The following CLASP1 variants were observed in gnomAD, a reference collection of about 807,000 sequenced individuals.
CLASP1 encodes CLIP-associating protein 1.
Under a neutral mutation model 192.3 loss-of-function variants are expected in CLASP1, and 38 were observed. The ratio of observed to expected loss-of-function variants is 0.20; its 90% CI spans 0.15 to 0.26. The LOEUF (loss-of-function observed/expected upper bound fraction) is 0.26, where lower values mean the gene tolerates loss of function less well. Among genes scored for constraint, CLASP1 ranks in the 10% least tolerant of loss-of-function variants. The pLI is 1.00. For synonymous variants in CLASP1, 691 were observed against 712.8 expected (o/e 0.97, Z 0.49); for missense variants, 1,433 against 1,932.5 (o/e 0.74, Z 4.85).
chr2:121,458,746 C>T, intron 13 of CLASP1, 94 bp downstream of exon 13: 1 of 926,298 alleles, frequency 1.1e-6, no homozygotes, highest in Non-Finnish European at 1.5e-6. Context: ...TTTAATGACT[C>T]AATATAATTA....
intron 1 of CLASP1, among the ~76,000 whole-genome samples, chr2:121,642,180 G>A (rs2072213884): frequency 6.6e-6 from 1 of 151,980 alleles, no homozygotes; most frequent in Non-Finnish European, 1.5e-5. Flanking sequence ...CACTTTGGGA[G>A]GGTGAGGCAG....
intron 8 of CLASP1, chr2:121,470,672 C>A (rs1024904021): frequency 2.2e-6 from 1 of 452,816 alleles, no homozygotes; most frequent in Admixed American, 2.4e-5. Context: ...GTTTGAATTT[C>A]CAATAGTTTT....
At chr2:121,494,516 A>T (rs776332069) in intron 8 of CLASP1, among the ~76,000 whole-genome samples, 3 of 152,204 alleles carry the variant, frequency 2.0e-5, no homozygotes, top group Non-Finnish European at 2.9e-5. Context: ...AGTTAGACAG[A>T]ATAAGATCTA....
At chr2:121,589,226 C>T (rs191050037) in intron 2 of CLASP1, among the ~76,000 whole-genome samples, 38 of 152,302 alleles carry the variant, frequency 2.5e-4, no homozygotes, top group East Asian at 2.3e-3. Flanking sequence ...GATTACTGAC[C>T]ATCATTTTCT....
At chr2:121,495,533 C>T (rs1158653265) in intron 8 of CLASP1, among the ~76,000 whole-genome samples, 1 of 151,512 alleles carries the variant, frequency 6.6e-6, no homozygotes, top group Admixed American at 6.6e-5. Context: ...TGGTGGTGAG[C>T]GCCTGTAATC....
At chr2:121,381,159 G>A (rs1478936561) in intron 33 of CLASP1, among the ~76,000 whole-genome samples, 4 of 152,138 alleles carry the variant, frequency 2.6e-5, no homozygotes, top group African/African-American at 9.7e-5. Flanking sequence ...GACTTTTAGA[G>A]GTATAAGAGC....
intron 1 of CLASP1, among the ~76,000 whole-genome samples, chr2:121,622,663 C>T (rs2067579068): frequency 6.6e-6 from 1 of 151,472 alleles, no homozygotes; most frequent in Non-Finnish European, 1.5e-5. Flanking sequence ...TGGAATTGTT[C>T]CCTTGGTTTC....
At chr2:121,530,815 AT>A in intron 2 of CLASP1, 1 of 632,224 alleles carries the variant, frequency 1.6e-6, no homozygotes, top group Non-Finnish European at 2.9e-6. Flanking sequence ...AGGCTCACGA[AT>A]TAATTACCAC....
intron 39 of CLASP1, among the ~76,000 whole-genome samples, chr2:121,344,338 A>C (rs538791939): frequency 6.6e-6 from 1 of 151,556 alleles, no homozygotes; most frequent in Non-Finnish European, 1.5e-5. Context: ...TTAAAAAAAA[A>C]CCTTTTTTTT....
chr2:121,475,011 TA>T (rs1419516587), intron 8 of CLASP1, among the ~76,000 whole-genome samples: 1 of 152,148 alleles, frequency 6.6e-6, no homozygotes, highest in African/African-American at 2.4e-5. Context: ...TAAAAACCCC[TA>T]AACCCAAAAT....
chr2:121,578,578 A>C (rs1206267398), intron 2 of CLASP1, among the ~76,000 whole-genome samples: 5 of 151,918 alleles, frequency 3.3e-5, no homozygotes, highest in African/African-American at 1.2e-4. Flanking sequence ...AAATACAAAA[A>C]TTAGCGGAGT....
chr2:121,383,825 T>C (rs1291732776), intron 32 of CLASP1, among the ~76,000 whole-genome samples: 1 of 151,830 alleles, frequency 6.6e-6, no homozygotes, highest in Non-Finnish European at 1.5e-5. Context: ...CATAGATCTC[T>C]TCTCCAAATA....
intron 8 of CLASP1, among the ~76,000 whole-genome samples, chr2:121,502,057 T>C (rs1003667806): frequency 6.6e-6 from 1 of 152,202 alleles, no homozygotes; most frequent in African/African-American, 2.4e-5. Flanking sequence ...ACAGGAGTAA[T>C]TCACTCCTGT....
intron 39 of CLASP1, among the ~76,000 whole-genome samples, chr2:121,346,616 C>T (rs551548822): frequency 8.5e-5 from 13 of 152,340 alleles, no homozygotes; most frequent in South Asian, 2.1e-4. Context: ...ATGCAAAGTG[C>T]GTAGGGCTGC....
chr2:121,539,147 TA>T (rs1575801569), intron 2 of CLASP1, among the ~76,000 whole-genome samples: 3 of 152,200 alleles, frequency 2.0e-5, no homozygotes, highest in African/African-American at 7.2e-5. Context: ...CACAAACATA[TA>T]TTTTTTTAAG....
intron 2 of CLASP1, among the ~76,000 whole-genome samples, chr2:121,539,464 C>T (rs956575275): frequency 1.3e-5 from 2 of 152,222 alleles, no homozygotes; most frequent in Non-Finnish European, 2.9e-5. Flanking sequence ...AAGAAGTTGA[C>T]TCCTATCTCA....
intron 7 of CLASP1, among the ~76,000 whole-genome samples, chr2:121,512,831 C>T (rs2094177455): frequency 6.6e-6 from 1 of 152,186 alleles, no homozygotes; most frequent in African/African-American, 2.4e-5. Context: ...TATAATTAAT[C>T]GTATTCTTCT....
intron 2 of CLASP1, among the ~76,000 whole-genome samples, chr2:121,569,864 C>T (rs759680818): frequency 6.6e-6 from 1 of 152,084 alleles, no homozygotes; most frequent in Non-Finnish European, 1.5e-5. Flanking sequence ...ACTTGGAATG[C>T]TGTGTGCACT....
At chr2:121,403,760 TC>T in intron 26 of CLASP1, 1 of 469,606 alleles carries the variant, frequency 2.1e-6, no homozygotes, top group Non-Finnish European at 4.3e-6. Context: ...CATGGGCATT[TC>T]CCCCTCAGCT....
Sources: allele counts gnomAD v4.1 joint callset (sites outside exome capture counted in the v4.1 genomes callset), GRCh38; gene constraint gnomAD v4.1.1; transcripts MANE v1.5; gene names NCBI Gene and HGNC (gene_info 2026-07-23, HGNC 2026-07-21).